Variants in DOK2 observed in about 807,000 individuals in gnomAD.
DOK2 encodes docking protein 2, 56kD.
In DOK2, 28 loss-of-function variants were observed where a neutral mutation model predicts 26.0. The observed-to-expected ratio is 1.08, with a 90% confidence interval of 0.80 to 1.48. DOK2 has a LOEUF of 1.48. Among genes scored for constraint, DOK2 ranks in the 40% most tolerant of loss-of-function variants. The pLI, the probability that DOK2 is intolerant of heterozygous loss-of-function variation, is 0.00. For missense variants in DOK2, 682 were observed against 558.2 expected (o/e 1.22, Z -2.23); for synonymous variants, 282 against 236.9 (o/e 1.19, Z -1.75).
intron 3 of DOK2, among the ~76,000 whole-genome samples, chr8:21,911,508 T>G (rs1005382442): frequency 6.6e-6 from 1 of 152,174 alleles, no homozygotes; most frequent in Non-Finnish European, 1.5e-5. Flanking sequence ...CTCAGGAGGC[T>G]GAGGCAGGAG....
Position 21,910,788 on chromosome 8 carries a change from C to G in DOK2, c.503G>C (p.Gly168Ala), listed in dbSNP as rs371052882. 9 of 1,613,802 alleles carry G rather than the reference C, an allele frequency of 5.6e-6. No individual in the cohort carries two copies. Among genetic ancestry groups the G allele is most frequent in the Non-Finnish European group, 7.6e-6 (9 of 1,179,964 alleles). Reference sequence around the variant, plus strand: ...CTCCCCAGCCCGGAGGGTATAGGACCCCCGCAGGTGGCACCTCTCACTGGC... The same window carrying G: ...CTCCCCAGCCCGGAGGGTATAGGACGCCCGCAGGTGGCACCTCTCACTGGC... ...TEASERCHLRGSYTLRAGESA... is the reference protein window; with the variant it reads ...TEASERCHLRASYTLRAGESA... Residue 168 changes from glycine (G) to alanine (A), a missense_variant, in exon 4 of 5, where the codon GGG (glycine) becomes GCG (alanine). Physicochemically the swap from Gly to Ala is moderately conservative, Grantham distance 60. Coordinates refer to ENST00000276420, the MANE Select transcript of DOK2 (RefSeq NM_003974.4).
At position 21,912,657 on chromosome 8, in the gene DOK2, C is replaced by A. The variant is rs1037476936; in HGVS notation, c.64-147G>T. 9 of 756,524 alleles carry A rather than the reference C, an allele frequency of 1.2e-5. No individual in the cohort carries two copies. In the African/African-American group the frequency reaches 1.6e-4, roughly 13 times the overall value. The allele number at this position is 756,524 out of a possible 1,614,324, so 46.9% of individuals were successfully genotyped here. ...GAGAGAGGTGAAGATCACATGAGAC[C>A]CAGGGAGGCAGAGAAGAGGACAGTG... On this transcript the variant is annotated intron_variant, in intron 1 of 4. Transcript: ENST00000276420.
chr8:21,910,976 CT>C (rs1809822229), intron 3 of DOK2, 119 bp from the exon 4 acceptor site: 2 of 1,171,002 alleles, frequency 1.7e-6, no homozygotes, highest in Non-Finnish European at 2.3e-6. Context: ...TATCCACACA[CT>C]TATGGCCCCC....
intron 4 of DOK2, 27 bp from the exon 5 acceptor site, chr8:21,909,958 G>C (rs1345138588): frequency 6.3e-7 from 1 of 1,592,426 alleles, no homozygotes; most frequent in Non-Finnish European, 8.5e-7. Flanking sequence ...GCAGGTTATT[G>C]GCCAGGCCAC....
chr8:21,911,969 G>C lies in DOK2; in HGVS notation c.365C>G (p.Ser122Trp), dbSNP rs777028955. Reference sequence around the variant, plus strand: ...CCGGCTCTGCTTTCCCTCTGGCCCCGAGAGCTCCTTCCTCTGCCCCTAGGG... The same window carrying C: ...CCGGCTCTGCTTTCCCTCTGGCCCCCAGAGCTCCTTCCTCTGCCCCTAGGG... Reference protein sequence around the residue: ...LAFPGQRKELSGPEGKQSRPC... With the variant: ...LAFPGQRKELWGPEGKQSRPC... Residue 122 changes from serine (S) to tryptophan (W), a missense_variant, in exon 3 of 5, where the codon TCG (serine) becomes TGG (tryptophan). Physicochemically the swap from Ser to Trp is radical, Grantham distance 177 (BLOSUM62 -3). Transcript: ENST00000276420. 4.8e-5 allele frequency: 75 copies of C among 1,554,900 alleles called. No homozygotes were observed. The highest frequency in any genetic ancestry group is 6.3e-5 in the Non-Finnish European group (72 of 1,149,678).
At chr8:21,910,886 G>C (rs376016280) in intron 3 of DOK2, 29 bp from the exon 4 acceptor site, 61 of 1,570,958 alleles carry the variant, frequency 3.9e-5, no homozygotes, top group Non-Finnish European at 5.1e-5. Flanking sequence ...AGAAGGCGAA[G>C]GCAGTTAATG....
Position 21,912,397 on chromosome 8 carries a change from G to A in DOK2, c.177C>T (p.Val59=). The change falls in exon 2 of 5, where the codon GTC becomes GTT. Residue 59 remains valine, a synonymous_variant. Transcript: ENST00000276420. ...CCCGCAGGCAGTCACTGAGGCGGAT[G>A]ACCTTCCGGGCAGCCTCACACCGAC... ...KPRRCEAARK[V]IRLSDCLRVA... 3.1e-6 allele frequency: 5 copies of A among 1,596,296 alleles called. No homozygotes were observed. Among genetic ancestry groups the A allele is most frequent in the South Asian group, 1.1e-5 (1 of 88,500 alleles).
rs1158970540 is a variant in DOK2 at position 21,909,157 on chromosome 8, C to G, written c.*154G>C. Reference sequence around the variant, plus strand: ...TCCTGCTTTGGGATGGTGACTCACCCAGCAGGCCCTGGGAGAGGCAATTTA... The same window carrying G: ...TCCTGCTTTGGGATGGTGACTCACCGAGCAGGCCCTGGGAGAGGCAATTTA... On this transcript the variant is annotated 3_prime_UTR_variant, in exon 5 of 5. Transcript: ENST00000276420. 15 of 881,486 alleles carry G rather than the reference C, an allele frequency of 1.7e-5. No individual in the cohort carries two copies. The highest frequency in any genetic ancestry group is 2.6e-5 in the Non-Finnish European group (15 of 579,070). The allele number at this position is 881,486 out of a possible 1,614,324, so 54.6% of individuals were successfully genotyped here.
chr8:21,909,332 T>C lies in DOK2; in HGVS notation c.1218A>G (p.Val406=). ...WQPGTEYDNV[V]LKKGPK ...TCTGTCACTTTGGGCCTTTCTTTAG[T>C]ACAACATTGTCATACTCAGTTCCTG... is the stretch of plus-strand genomic sequence containing the variant. The change falls in exon 5 of 5, where the codon GTA becomes GTG. Residue 406 remains valine (V), a synonymous_variant. Coordinates refer to ENST00000276420, the MANE Select transcript of DOK2 (RefSeq NM_003974.4). The C allele has an allele frequency of 6.5e-7, 1 of 1,541,166 alleles. No individual in the cohort carries two copies. Among genetic ancestry groups the C allele is most frequent in the African/African-American group, 1.4e-5 (1 of 72,872 alleles).
Position 21,909,247 on chromosome 8 carries a change from C to A in DOK2, c.*64G>T. The stretch of plus-strand genomic sequence containing the variant: ...AGGGGCAGAGGAGGTTCTTCTGATG[C>A]AGTGGCCAGGAGGAGTCACCAGCAG... On this transcript the variant is annotated 3_prime_UTR_variant, in exon 5 of 5. Coordinates refer to ENST00000276420, the MANE Select transcript of DOK2 (RefSeq NM_003974.4). 6.7e-7 allele frequency: 1 copy of A among 1,501,856 alleles called. No individual in the cohort carries two copies. The highest frequency in any genetic ancestry group is 8.9e-7 in the Non-Finnish European group (1 of 1,123,850). The allele number at this position is 1,501,856 out of a possible 1,614,324, so 93.0% of individuals were successfully genotyped here.
chr8:21,910,760 A>G lies in DOK2; in HGVS notation c.531T>C (p.Ser177=). 1 of 1,613,100 alleles carries G rather than the reference A, an allele frequency of 6.2e-7. No individual in the cohort carries two copies. Among genetic ancestry groups the G allele is most frequent in the Non-Finnish European group, 8.5e-7 (1 of 1,179,800 alleles). ...RGSYTLRAGE[S]ALELWGGPEP... ...CGGGCCCACCCCACAGCTCCAGGGC[A>G]CTCTCCCCAGCCCGGAGGGTATAGG... The change falls in exon 4 of 5, where the codon AGT becomes AGC. Residue 177 remains serine, a synonymous_variant. Transcript: ENST00000276420.
rs752124084 is a variant in DOK2 at position 21,909,636 on chromosome 8, G to T, written c.914C>A (p.Ala305Glu). The change falls in exon 5 of 5, where the codon GCG becomes GAG. Residue 305 changes from alanine (A) to glutamate (E), a missense_variant. Ala to Glu is a moderately radical substitution (Grantham distance 107). Transcript: ENST00000276420. ...GTTCTTCCCCAAGGAACGGGCCACC[G>T]CATCGAAGGGCACGGCATACTCCCC... is the stretch of plus-strand genomic sequence containing the variant. The part of the protein sequence containing the change: ...QEGEYAVPFD[A>E]VARSLGKNFR... The T allele has an allele frequency of 2.0e-5, 33 of 1,613,190 alleles. No individual in the cohort carries two copies. The highest frequency in any genetic ancestry group is 3.3e-4 in the Middle Eastern group (2 of 6,062).
intron 1 of DOK2, 185 bp from the exon 2 acceptor site, chr8:21,912,695 A>G (rs1809907271): frequency 4.9e-6 from 3 of 611,692 alleles, no homozygotes; most frequent in Non-Finnish European, 5.5e-6. Flanking sequence ...TGCAGGAATT[A>G]GAAAATCGGA....
intron 4 of DOK2, among the ~76,000 whole-genome samples, chr8:21,910,272 G>A (rs1372606071): frequency 6.6e-6 from 1 of 152,056 alleles, no homozygotes; most frequent in Non-Finnish European, 1.5e-5. Context: ...GAGCCACCGC[G>A]CCCAGCTAGG....
At position 21,912,713 on chromosome 8, in the gene DOK2, C is replaced by G; in HGVS notation, c.64-203G>C. 3.4e-6 allele frequency: 2 copies of G among 592,648 alleles called. 1 individual carries two copies. The highest frequency in any genetic ancestry group is 4.5e-5 in the South Asian group (2 of 44,338). The allele number at this position is 592,648 out of a possible 1,614,324, so 36.7% of individuals were successfully genotyped here. A position where few individuals can be genotyped will look rare whatever the true frequency, so the allele number is the denominator to read the frequency against. ...AGGAATTAGAAAATCGGAGATCAGC[C>G]GCCAGCCCCGAGAAGGAGGCCCACG... On this transcript the variant is annotated intron_variant, in intron 1 of 4. Transcript: ENST00000276420.
rs569447695 is a variant in DOK2 at position 21,910,301 on chromosome 8, A to G, written c.619-370T>C. Reference sequence around the variant, plus strand: ...AGCTAGGGATGCTTTCTTAAACCCCATCCCTAACCCAAGCCCTGGGACCTC... The same window carrying G: ...AGCTAGGGATGCTTTCTTAAACCCCGTCCCTAACCCAAGCCCTGGGACCTC... On this transcript the variant is annotated intron_variant, in intron 4 of 4. Coordinates refer to ENST00000276420, the MANE Select transcript of DOK2 (RefSeq NM_003974.4). Among the ~76,000 whole-genome samples the G allele has an allele frequency of 2.0e-5, 3 of 151,922 alleles. No homozygotes were observed. The East Asian group carries it at 5.8e-4, about 29-fold the overall frequency.
Position 21,910,806 on chromosome 8 carries a change from T to A in DOK2, c.485A>T (p.Glu162Val). The change falls in exon 4 of 5, where the codon GAG (glutamate) becomes GTG (valine). Residue 162 changes from glutamate (E) to valine (V), a missense_variant. Glu to Val is a moderately radical substitution (Grantham distance 121). Transcript: ENST00000276420. ...ATAGGACCCCCGCAGGTGGCACCTC[T>A]CACTGGCTTCTGTAGGTCTCATGGT... is the stretch of plus-strand genomic sequence containing the variant. ...AVTMRPTEAS[E>V]RCHLRGSYTL... 1 of 1,613,830 alleles carries A rather than the reference T, an allele frequency of 6.2e-7. No homozygotes were observed. Among genetic ancestry groups the A allele is most frequent in the South Asian group, 1.1e-5 (1 of 90,996 alleles).
chr8:21,911,837 C>A (rs1809856099), intron 3 of DOK2, 64 bp downstream of exon 3: 3 of 1,494,938 alleles, frequency 2.0e-6, no homozygotes, highest in Non-Finnish European at 2.7e-6. Flanking sequence ...CAGCCCACAC[C>A]TCCTCTCCAC....
chr8:21,910,847 G>T lies in DOK2; in HGVS notation c.444C>A (p.His148Gln), dbSNP rs1809815004. Residue 148 changes from histidine (H) to glutamine (Q), a missense_variant, in exon 4 of 5, where the codon CAC (histidine) becomes CAA (glutamine). Coordinates refer to ENST00000276420, the MANE Select transcript of DOK2 (RefSeq NM_003974.4). ...GTCTCATGGTCACAGCAAATTCCTTGTGGGGGCCGACTGGGGAGAAGAAGA... is the reference window on the plus strand; with the variant it reads ...GTCTCATGGTCACAGCAAATTCCTTTTGGGGGCCGACTGGGGAGAAGAAGA... The part of the protein sequence containing the change: ...LYSSAVTVGP[H>Q]KEFAVTMRPT... 2 of 1,604,778 alleles carry T rather than the reference G, an allele frequency of 1.2e-6. No homozygotes were observed. Among genetic ancestry groups the T allele is most frequent in the African/African-American group, 2.7e-5 (2 of 74,730 alleles).
Sources: gnomAD v4.1 joint callset for allele counts (sites outside exome capture counted in the v4.1 genomes callset) on GRCh38, gnomAD v4.1.1 for gene constraint, MANE v1.5 for transcripts, NCBI Gene and HGNC (gene_info 2026-07-23, HGNC 2026-07-21) for gene names.